The following GABRB2 variants were observed in gnomAD, a reference collection of about 807,000 sequenced individuals.
GABRB2 encodes gamma-aminobutyric acid type A receptor subunit beta2.
GABRB2 carries 16 observed loss-of-function variants against 54.7 expected under a neutral mutation model. That is an observed-to-expected ratio of 0.29 (90% CI 0.20 to 0.44). The LOEUF (loss-of-function observed/expected upper bound fraction) is 0.44. GABRB2 is among the 20% of genes least tolerant of loss of function. The probability of loss-of-function intolerance (pLI) is 1.00; values close to 1 mark genes in which losing one functional copy is unlikely to be tolerated. For synonymous variants in GABRB2, 244 were observed against 233.8 expected, an observed-to-expected ratio of 1.04 and a Z score of -0.40; for missense variants, 355 against 644.0, an observed-to-expected ratio of 0.55 and a Z score of 4.86.
At chr5:161,418,266 T>A (rs1341226876) in intron 4 of GABRB2, among the ~76,000 whole-genome samples, 1 of 152,246 alleles carries the variant, frequency 6.6e-6, no homozygotes, top group Non-Finnish European at 1.5e-5. Context: ...GCCTCAGTCA[T>A]TATTCTTCTT....
intron 5 of GABRB2, among the ~76,000 whole-genome samples, chr5:161,373,082 T>TC (rs1351119287): frequency 1.3e-5 from 2 of 152,198 alleles, no homozygotes; most frequent in African/African-American, 4.8e-5. Flanking sequence ...TATTTTTTTT[T>TC]CCACTTAGAA....
intron 9 of GABRB2, among the ~76,000 whole-genome samples, chr5:161,325,751 T>G (rs890584249): frequency 6.6e-6 from 1 of 152,116 alleles, no homozygotes; most frequent in Admixed American, 6.5e-5. Context: ...ATTCAGAAAC[T>G]AAACTATGAG....
chr5:161,320,691 C>T (rs374579577), intron 9 of GABRB2, among the ~76,000 whole-genome samples: 2 of 151,744 alleles, frequency 1.3e-5, no homozygotes, highest in African/African-American at 4.8e-5. Context: ...TTTCTAATAC[C>T]TTTACTTTAG....
intron 5 of GABRB2, among the ~76,000 whole-genome samples, chr5:161,392,066 G>A (rs777414446): frequency 6.6e-6 from 1 of 152,170 alleles, no homozygotes; most frequent in Non-Finnish European, 1.5e-5. Context: ...TAAATTATTA[G>A]GAATTTCAGT....
At chr5:161,372,983 A>T (rs1388790575) in intron 5 of GABRB2, among the ~76,000 whole-genome samples, 1 of 152,184 alleles carries the variant, frequency 6.6e-6, no homozygotes, top group South Asian at 2.1e-4. Context: ...AACATAGGAC[A>T]TTTATTTATA....
intron 3 of GABRB2, among the ~76,000 whole-genome samples, chr5:161,510,778 T>G (rs953514405): frequency 2.6e-5 from 4 of 151,914 alleles, no homozygotes; most frequent in African/African-American, 4.8e-5. Context: ...CCTACCCTTA[T>G]GTCCAGCATT....
intron 9 of GABRB2, among the ~76,000 whole-genome samples, chr5:161,311,844 G>A (rs535472662): frequency 3.3e-5 from 5 of 152,290 alleles, no homozygotes; most frequent in Non-Finnish European, 7.3e-5. Context: ...AGATGAAGAA[G>A]CACGGGGCTA....
intron 4 of GABRB2, among the ~76,000 whole-genome samples, chr5:161,423,750 A>G (rs954440657): frequency 3.3e-5 from 5 of 152,150 alleles, no homozygotes; most frequent in Non-Finnish European, 7.4e-5. Context: ...TTCCATGTGT[A>G]CTTTAAAGTA....
chr5:161,544,972 G>A (rs1581074046), intron 3 of GABRB2, among the ~76,000 whole-genome samples: 1 of 152,144 alleles, frequency 6.6e-6, no homozygotes, highest in East Asian at 1.9e-4. Context: ...TCTCCTGCAC[G>A]TGGTTGCGTT....
At chr5:161,521,893 G>T (rs1294375065) in intron 3 of GABRB2, among the ~76,000 whole-genome samples, 1 of 151,806 alleles carries the variant, frequency 6.6e-6, no homozygotes, top group African/African-American at 2.4e-5. Flanking sequence ...CTGAATCTTT[G>T]TATTTTATTT....
chr5:161,375,831 G>A (rs1755278016), intron 5 of GABRB2, among the ~76,000 whole-genome samples: 1 of 152,060 alleles, frequency 6.6e-6, no homozygotes, highest in African/African-American at 2.4e-5. Context: ...TGATGAAGAA[G>A]ATGATGATTA....
chr5:161,448,767 T>C (rs1757708374), intron 4 of GABRB2, among the ~76,000 whole-genome samples: 1 of 152,182 alleles, frequency 6.6e-6, no homozygotes, highest in South Asian at 2.1e-4. Context: ...TGTAACAAAA[T>C]GACCTTCCAT....
chr5:161,452,353 A>G (rs1580997810), intron 4 of GABRB2, among the ~76,000 whole-genome samples: 1 of 152,242 alleles, frequency 6.6e-6, no homozygotes, highest in South Asian at 2.1e-4. Context: ...TTTAGCAATC[A>G]TTTAAATGAG....
At chr5:161,433,901 C>CA (rs1481270248) in intron 4 of GABRB2, among the ~76,000 whole-genome samples, 2 of 151,994 alleles carry the variant, frequency 1.3e-5, no homozygotes, top group African/African-American at 2.4e-5. Flanking sequence ...CAATCCTTTA[C>CA]AAAAAAGAGT....
Position 161,403,158 on chromosome 5 carries a change from C to T in GABRB2, c.541+7817G>A, listed in dbSNP as rs151019393. On this transcript the variant is annotated intron_variant, in intron 5 of 9. Transcript: ENST00000393959. Reference sequence around the variant, plus strand: ...AAGCCCCTTAACAAAGTGGGGGCTGCGTAGCTCCTAATTTAGATATTGGAC... The same window carrying T: ...AAGCCCCTTAACAAAGTGGGGGCTGTGTAGCTCCTAATTTAGATATTGGAC... 1.2e-3 allele frequency among the ~76,000 whole-genome samples: 180 copies of T among 152,142 alleles called. 3 individuals carry two copies. Among genetic ancestry groups the T allele is most frequent in the Admixed American group, 0.01 (159 of 15,276 alleles).
chr5:161,404,893 A>G (rs145388889), intron 5 of GABRB2, among the ~76,000 whole-genome samples: 13 of 152,242 alleles, frequency 8.5e-5, no homozygotes, highest in African/African-American at 3.1e-4. Flanking sequence ...ACCTACAGCT[A>G]CTTAGAGATC....
intron 3 of GABRB2, among the ~76,000 whole-genome samples, chr5:161,512,201 T>C (rs1000574079): frequency 6.6e-6 from 1 of 151,982 alleles, no homozygotes; most frequent in African/African-American, 2.4e-5. Context: ...CCTATCAAAC[T>C]ACAAAAGTCA....
Position 161,290,127 on chromosome 5 carries a change from C to T in GABRB2, c.*3954G>A, listed in dbSNP as rs1045539453. The T allele has an allele frequency of 6.6e-6, 1 of 152,426 alleles. No homozygotes were observed. The highest frequency in any genetic ancestry group is 1.5e-5 in the Non-Finnish European group (1 of 67,992). 9.4% of individuals were successfully genotyped at this position (152,426 alleles called of 1,614,324 possible). On this transcript the variant is annotated 3_prime_UTR_variant, in exon 10 of 10. Coordinates refer to ENST00000393959, the MANE Select transcript of GABRB2 (RefSeq NM_001371727.1). ...TAAGAAATCTGTTTTAATATTTACA[C>T]ACGTTCAGTGAAAGTTATGGTTGCT...
At chr5:161,387,280 T>C (rs1755674090) in intron 5 of GABRB2, among the ~76,000 whole-genome samples, 1 of 152,084 alleles carries the variant, frequency 6.6e-6, no homozygotes, top group Non-Finnish European at 1.5e-5. Context: ...GTTGGTATAA[T>C]GTGGGGCTTC....
Sources: gnomAD v4.1 joint callset for allele counts (sites outside exome capture counted in the v4.1 genomes callset) on GRCh38, gnomAD v4.1.1 for gene constraint, MANE v1.5 for transcripts, NCBI Gene and HGNC (gene_info 2026-07-23, HGNC 2026-07-21) for gene names.